Variants in LRPAP1 observed in about 807,000 individuals in gnomAD.
The protein encoded by LRPAP1 is alpha-2-macroglobulin receptor-associated protein.
A neutral mutation model predicts 39.9 loss-of-function variants in LRPAP1; 41 were observed. The observed-to-expected ratio is 1.03, with a 90% CI of 0.80 to 1.33. The LOEUF is 1.33. Ranked by LOEUF, LRPAP1 falls within the 40% of genes most tolerant of loss-of-function variation. The pLI, the probability that LRPAP1 is intolerant of heterozygous loss-of-function variation, is 0.00. For synonymous variants in LRPAP1, 263 were observed against 212.7 expected (o/e 1.24, Z -2.06); for missense variants, 565 against 482.3 (o/e 1.17, Z -1.61).
intron 5 of LRPAP1, chr4:3,517,633 C>G (rs1482572668): frequency 6.2e-6 from 1 of 161,712 alleles, no homozygotes; most frequent in African/African-American, 2.4e-5. Context: ...GGGCGTCCTG[C>G]CCCTGCCGGG....
At chr4:3,520,508 C>T (rs902570425) in intron 2 of LRPAP1, among the ~76,000 whole-genome samples, 5 of 152,192 alleles carry the variant, frequency 3.3e-5, no homozygotes, top group East Asian at 1.9e-4. Context: ...ACGCAGCTGT[C>T]GAAAGCAGCT....
chr4:3,520,378 T>C, intron 2 of LRPAP1, 185 bp from the exon 3 acceptor site: 1 of 624,716 alleles, frequency 1.6e-6, no homozygotes, highest in Non-Finnish European at 2.7e-6. Context: ...AAGCGTGGGG[T>C]CTGTGGTCTC....
At chr4:3,515,555 C>A (rs1008568789) in intron 6 of LRPAP1, among the ~76,000 whole-genome samples, 4 of 152,162 alleles carry the variant, frequency 2.6e-5, no homozygotes, top group Non-Finnish European at 5.9e-5. Context: ...GCTATAGGGA[C>A]CCTGGGTGAA....
intron 1 of LRPAP1, among the ~76,000 whole-genome samples, chr4:3,529,524 G>C (rs905320180): frequency 6.6e-6 from 1 of 152,110 alleles, no homozygotes; most frequent in African/African-American, 2.4e-5. Context: ...CTCAGAAGTC[G>C]TCTGTGAGCA....
chr4:3,513,473 A>C (rs1729596813), intron 7 of LRPAP1, among the ~76,000 whole-genome samples: 2 of 151,860 alleles, frequency 1.3e-5, no homozygotes, highest in African/African-American at 4.8e-5. Flanking sequence ...ACGCCCGGCT[A>C]ATTTTTTCTA....
At chr4:3,515,172 G>A (rs997139071) in intron 6 of LRPAP1, among the ~76,000 whole-genome samples, 5 of 152,072 alleles carry the variant, frequency 3.3e-5, no homozygotes, top group Non-Finnish European at 5.9e-5. Flanking sequence ...TGGCACCCCC[G>A]CCCCCCGAAT....
chr4:3,526,153 A>C (rs1282024835), intron 1 of LRPAP1, among the ~76,000 whole-genome samples: 1 of 152,208 alleles, frequency 6.6e-6, no homozygotes, highest in Non-Finnish European at 1.5e-5. Flanking sequence ...GCCTCTGTGG[A>C]GTCCTGCAGC....
chr4:3,531,007 C>A (rs1730233896), intron 1 of LRPAP1, among the ~76,000 whole-genome samples: 2 of 152,138 alleles, frequency 1.3e-5, no homozygotes, highest in South Asian at 4.1e-4. Flanking sequence ...ATCCCGGCTG[C>A]TCCTGGTCAC....
At chr4:3,513,136 G>A in intron 7 of LRPAP1, 100 bp from the exon 8 acceptor site, 4 of 876,508 alleles carry the variant, frequency 4.6e-6, no homozygotes, top group Non-Finnish European at 7.2e-6. Context: ...AAAAGGAAAA[G>A]GCGCAAGCCC....
intron 1 of LRPAP1, chr4:3,531,843 G>C (rs1387685143): frequency 3.0e-5 from 9 of 304,506 alleles, no homozygotes; most frequent in Middle Eastern, 9.4e-4. Context: ...TCCCCACATA[G>C]GGAGATAAGG....
At chr4:3,529,999 C>T (rs530250346) in intron 1 of LRPAP1, among the ~76,000 whole-genome samples, 1 of 152,268 alleles carries the variant, frequency 6.6e-6, no homozygotes, top group Non-Finnish European at 1.5e-5. Context: ...AAAAAGCAGC[C>T]CTCACCTCAA....
At chr4:3,523,330 G>A (rs1730775) in intron 2 of LRPAP1, among the ~76,000 whole-genome samples, 22,372 of 152,184 alleles carry the variant, frequency 0.15, 1,920 homozygotes, top group East Asian at 0.28. Flanking sequence ...TGGTGGGGAC[G>A]CAACCATCCA....
At chr4:3,529,747 C>A (rs555091409) in intron 1 of LRPAP1, among the ~76,000 whole-genome samples, 1 of 152,316 alleles carries the variant, frequency 6.6e-6, no homozygotes, top group South Asian at 2.1e-4. Context: ...GCAACCTCAA[C>A]GCAGGTCTCA....
chr4:3,516,245 A>G, intron 5 of LRPAP1, 47 bp from the exon 6 acceptor site: 1 of 1,468,178 alleles, frequency 6.8e-7, no homozygotes. Flanking sequence ...CGGGGTGCAC[A>G]CCACAGCCAG....
intron 7 of LRPAP1, among the ~76,000 whole-genome samples, chr4:3,513,753 C>T (rs1335334881): frequency 6.6e-6 from 1 of 152,206 alleles, no homozygotes; most frequent in Non-Finnish European, 1.5e-5. Flanking sequence ...CCACAGATAC[C>T]ACCCCAGTGG....
intron 2 of LRPAP1, among the ~76,000 whole-genome samples, chr4:3,520,770 A>T (rs1729886672): frequency 6.6e-6 from 1 of 152,250 alleles, no homozygotes; most frequent in Admixed American, 6.5e-5. Context: ...ACAAAAAGTT[A>T]CTGGTAGCAG....
At chr4:3,523,833 C>T (rs1021641228) in intron 2 of LRPAP1, among the ~76,000 whole-genome samples, 3 of 152,226 alleles carry the variant, frequency 2.0e-5, no homozygotes, top group Admixed American at 6.5e-5. Flanking sequence ...GCAACAAGTG[C>T]GATGGCAGCC....
chr4:3,523,474 C>A (rs1159569426), intron 2 of LRPAP1, among the ~76,000 whole-genome samples: 1 of 152,164 alleles, frequency 6.6e-6, no homozygotes, highest in African/African-American at 2.4e-5. Context: ...TTAACCCGGG[C>A]GCAGCCACAT....
rs116619832 is a variant in LRPAP1 at position 3,509,199 on chromosome 4, G to A, written c.*3775C>T. ...GAACTCAATACCTGGAGTCATACATGGCAGTCAACGCATGGACACCGGAGA... is the reference window on the plus strand; with the variant it reads ...GAACTCAATACCTGGAGTCATACATAGCAGTCAACGCATGGACACCGGAGA... On this transcript the variant is annotated 3_prime_UTR_variant, in exon 8 of 8. Transcript: ENST00000650182. 26 of 152,392 alleles carry A rather than the reference G, an allele frequency of 1.7e-4. No individual in the cohort carries two copies. The highest frequency in any genetic ancestry group is 6.0e-4 in the African/African-American group (25 of 41,572). The allele number at this position is 152,392 out of a possible 1,614,324, so 9.4% of individuals were successfully genotyped here. A position where few individuals can be genotyped will look rare whatever the true frequency, so the allele number is the denominator to read the frequency against.
Sources: gnomAD v4.1 joint callset for allele counts (sites outside exome capture counted in the v4.1 genomes callset) on GRCh38, gnomAD v4.1.1 for gene constraint, MANE v1.5 for transcripts, NCBI Gene and HGNC (gene_info 2026-07-23, HGNC 2026-07-21) for gene names.